Variants in ILDR2 observed in about 807,000 individuals in gnomAD.
The protein encoded by ILDR2 is immunoglobulin like domain containing receptor 2, also known as immunoglobulin-like domain-containing receptor 2.
ILDR2 carries 25 observed loss-of-function variants against 66.8 expected under a neutral mutation model. That is an observed-to-expected ratio of 0.37 (90% CI 0.27 to 0.52). The LOEUF (loss-of-function observed/expected upper bound fraction) is 0.52, where lower values mean the gene tolerates loss of function less well. Ranked by LOEUF, ILDR2 falls within the 20% of genes least tolerant of loss-of-function variation. ILDR2 has a pLI of 0.88. For synonymous variants in ILDR2, 367 were observed against 357.2 expected, an observed-to-expected ratio of 1.03 and a Z score of -0.31; for missense variants, 827 against 876.8, an observed-to-expected ratio of 0.94 and a Z score of 0.72.
At chr1:166,903,704 A>G (rs865878612), downstream of ILDR2, among the ~76,000 whole-genome samples, 1 of 152,176 alleles carries the variant, frequency 6.6e-6, no homozygotes, top group South Asian at 2.1e-4. Context: ...AGCCTCTTCA[A>G]CATCAGCTCC....
rs1428522844 is a variant in ILDR2, at chr1:166,918,084, A to C, written c.*1271T>G. 1.3e-5 allele frequency: 2 copies of C among 152,198 alleles called. No homozygotes were observed. The highest frequency in any genetic ancestry group is 4.8e-5 in the African/African-American group (2 of 41,442). 9.4% of individuals were successfully genotyped at this position (152,198 alleles called of 1,614,324 possible). On this transcript the variant is annotated 3_prime_UTR_variant, in exon 10 of 10. Transcript: ENST00000271417. The stretch of plus-strand genomic sequence containing the variant: ...GATGAGAAGGAAAGAGTTCGTGGCC[A>C]TTTTTGCTATCTACACAAACGATAA...
chr1:166,958,430 T>C (rs917762931), intron 1 of ILDR2, among the ~76,000 whole-genome samples: 5 of 152,094 alleles, frequency 3.3e-5, no homozygotes, highest in African/African-American at 1.2e-4. Flanking sequence ...TTTAAAAGTG[T>C]GTGGTACTTC....
At position 166,911,236 on chromosome 1, in the gene ILDR2, C is replaced by T. The variant is rs1345768482; in HGVS notation, c.*8119G>A. ...GTAAAGTTAAAGCCTCTTGCCCTCCCCATCTTAAGATTTTGTTTGCAGTCT... is the reference window on the plus strand; with the variant it reads ...GTAAAGTTAAAGCCTCTTGCCCTCCTCATCTTAAGATTTTGTTTGCAGTCT... On this transcript the variant is annotated 3_prime_UTR_variant, in exon 10 of 10. Transcript: ENST00000271417. 1 of 152,220 alleles carries T rather than the reference C, an allele frequency of 6.6e-6. No homozygotes were observed. Among genetic ancestry groups the T allele is most frequent in the Non-Finnish European group, 1.5e-5 (1 of 68,030 alleles). 9.4% of individuals were successfully genotyped at this position (152,220 alleles called of 1,614,324 possible). A position where few individuals can be genotyped will look rare whatever the true frequency, so the allele number is the denominator to read the frequency against.
chr1:166,898,630 T>C (rs894333936), intron 2 of ILDR2, among the ~76,000 whole-genome samples: 72 of 152,376 alleles, frequency 4.7e-4, no homozygotes, highest in African/African-American at 1.7e-3. Flanking sequence ...TCTGAAGCTT[T>C]GCATATTATT....
At chr1:166,958,204 C>A in intron 1 of ILDR2, 103 bp from the exon 2 acceptor site, 1 of 921,790 alleles carries the variant, frequency 1.1e-6, no homozygotes, top group African/African-American at 1.7e-5. Context: ...CTTGTGTCCC[C>A]TCAACCTCAT....
At position 166,915,172 on chromosome 1, in the gene ILDR2, C is replaced by G. The variant is rs185413857; in HGVS notation, c.*4183G>C. 1.2e-4 allele frequency: 19 copies of G among 152,294 alleles called. No homozygotes were observed. The highest frequency in any genetic ancestry group is 4.3e-4 in the African/African-American group (18 of 41,544). 9.4% of individuals were successfully genotyped at this position (152,294 alleles called of 1,614,324 possible). A position where few individuals can be genotyped will look rare whatever the true frequency, so the allele number is the denominator to read the frequency against. On this transcript the variant is annotated 3_prime_UTR_variant, in exon 10 of 10. Coordinates refer to ENST00000271417, the MANE Select transcript of ILDR2 (RefSeq NM_199351.3). ...CTACAACAGCCTCCCTGGGAGTGCT[C>G]CTGACACTCCTTTCTCTCTGCCTGT...
Position 166,920,802 on chromosome 1 carries a change from G to A in ILDR2, c.1789C>T (p.Leu597=). ...SDDALPPYSE[L]ELTRGPSYRG... ...TAGGACGGGCCGCGGGTCAGCTCCA[G>A]CTCGCTGTAGGGCGGCAGCGCGTCG... Residue 597 remains leucine (L), a synonymous_variant, in exon 9 of 10, where the codon CTG becomes TTG. Coordinates refer to ENST00000271417, the MANE Select transcript of ILDR2 (RefSeq NM_199351.3). The A allele has an allele frequency of 6.5e-7, 1 of 1,533,182 alleles. No individual in the cohort carries two copies. The highest frequency in any genetic ancestry group is 8.8e-7 in the Non-Finnish European group (1 of 1,142,318). The allele number at this position is 1,533,182 out of a possible 1,614,324, so 95.0% of individuals were successfully genotyped here.
At chr1:166,969,869 T>C (rs28465968) in intron 1 of ILDR2, among the ~76,000 whole-genome samples, 1 of 152,366 alleles carries the variant, frequency 6.6e-6, no homozygotes. Context: ...TAAGATATCA[T>C]GGGCTTGGAC....
Position 166,975,247 on chromosome 1 carries a change from A to G in ILDR2, c.22T>C (p.Trp8Arg). 6.2e-7 allele frequency: 1 copy of G among 1,613,458 alleles called. No homozygotes were observed. Among genetic ancestry groups the G allele is most frequent in the Non-Finnish European group, 8.5e-7 (1 of 1,179,516 alleles). The change falls in exon 1 of 10, where the codon TGG becomes CGG. Residue 8 changes from tryptophan to arginine, a missense_variant. Physicochemically the swap from Trp to Arg is moderately radical, Grantham distance 101. Around this residue, in one of 2 missense-constraint regions of ILDR2, gnomAD observed 437 missense variants for 523.2 expected, o/e 0.84. Coordinates refer to ENST00000271417, the MANE Select transcript of ILDR2 (RefSeq NM_199351.3). MDRVLLR[W>R]ISLFWLTAMV... ...CCTGTTAGCCAGAAGAGAGAAATCC[A>G]CCTCAGCAAGACCCTATCCATCTTC...
At chr1:166,906,536 T>C (rs1236562731), downstream of ILDR2, among the ~76,000 whole-genome samples, 1 of 152,200 alleles carries the variant, frequency 6.6e-6, no homozygotes, top group East Asian at 1.9e-4. Context: ...TATTACAGCA[T>C]AGCAAAGACG....
chr1:166,925,962 GT>G (rs1660256279), intron 7 of ILDR2, among the ~76,000 whole-genome samples: 1 of 152,176 alleles, frequency 6.6e-6, no homozygotes, highest in African/African-American at 2.4e-5. Context: ...TGACAACATT[GT>G]TACAACTAGC....
chr1:166,956,913 A>C, intron 2 of ILDR2, 61 bp from the exon 3 acceptor site: 1 of 1,575,692 alleles, frequency 6.3e-7, no homozygotes, highest in Non-Finnish European at 8.6e-7. Flanking sequence ...AAAAACACTA[A>C]ACAATGGGGG....
intron 3 of ILDR2, among the ~76,000 whole-genome samples, chr1:166,955,638 AAAC>A (rs1250030292): frequency 6.6e-6 from 1 of 152,194 alleles, no homozygotes; most frequent in African/African-American, 2.4e-5. Flanking sequence ...TTTAAAAATA[AAAC>A]AATAACAAAA....
At chr1:166,926,633 G>A (rs1251514923) in intron 7 of ILDR2, among the ~76,000 whole-genome samples, 1 of 151,292 alleles carries the variant, frequency 6.6e-6, no homozygotes, top group Non-Finnish European at 1.5e-5. Context: ...ACATTACTTT[G>A]AATATATTTT....
intron 7 of ILDR2, among the ~76,000 whole-genome samples, chr1:166,926,683 T>G (rs561589500): frequency 5.8e-4 from 88 of 151,314 alleles, no homozygotes; most frequent in Non-Finnish European, 9.3e-4. Context: ...AATGCTTTAT[T>G]AAAATAGTCT....
intron 7 of ILDR2, among the ~76,000 whole-genome samples, chr1:166,924,290 A>G (rs1660142520): frequency 6.6e-6 from 1 of 152,232 alleles, no homozygotes; most frequent in South Asian, 2.1e-4. Context: ...CATGAATTCC[A>G]GTATCCCAGG....
intron 3 of ILDR2, among the ~76,000 whole-genome samples, chr1:166,956,087 G>C (rs1286064273): frequency 6.6e-6 from 1 of 152,160 alleles, no homozygotes; most frequent in African/African-American, 2.4e-5. Flanking sequence ...AAGGAAAGTA[G>C]CCAAAAATAA....
Position 166,919,291 on chromosome 1 carries a change from G to A in ILDR2, c.*64C>T. The stretch of plus-strand genomic sequence containing the variant: ...AAGGTCCTGGGCCTGCTGGTTCTTA[G>A]ATTTGTGTCTTGTCCCCGTAGTCCA... On this transcript the variant is annotated 3_prime_UTR_variant, in exon 10 of 10. Coordinates refer to ENST00000271417, the MANE Select transcript of ILDR2 (RefSeq NM_199351.3). 2 of 1,479,280 alleles carry A rather than the reference G, an allele frequency of 1.4e-6. No individual in the cohort carries two copies. The highest frequency in any genetic ancestry group is 1.9e-6 in the Non-Finnish European group (2 of 1,064,810). The allele number at this position is 1,479,280 out of a possible 1,614,324, so 91.6% of individuals were successfully genotyped here.
intron 9 of ILDR2, among the ~76,000 whole-genome samples, chr1:166,920,030 G>T (rs1000263075): frequency 6.6e-6 from 1 of 152,156 alleles, no homozygotes; most frequent in Non-Finnish European, 1.5e-5. Context: ...CCCATTTTGG[G>T]GCTGTGGATG....
Sources: allele counts gnomAD v4.1 joint callset (sites outside exome capture counted in the v4.1 genomes callset), GRCh38; gene constraint gnomAD v4.1.1; regional missense constraint gnomAD v4.1.1; transcripts MANE v1.5; gene names NCBI Gene and HGNC (gene_info 2026-07-23, HGNC 2026-07-21).